The following LAMA2 variants were observed in gnomAD, a reference collection of about 807,000 sequenced individuals.
LAMA2 encodes laminin subunit alpha 2.
A neutral mutation model predicts 364.8 loss-of-function variants in LAMA2; 269 were observed. That is an observed-to-expected ratio of 0.74 (90% CI 0.67 to 0.82). LAMA2 has a LOEUF of 0.82. LAMA2 is among the 40% of genes least tolerant of loss of function. The pLI is 0.00. For missense variants in LAMA2, 3,807 were observed against 3,873.2 expected (o/e 0.98, Z 0.45); for synonymous variants, 1,379 against 1,370.6 (o/e 1.01, Z -0.14).
chr6:128,974,291 C>T (rs1481215840), intron 1 of LAMA2, among the ~76,000 whole-genome samples: 2 of 152,252 alleles, frequency 1.3e-5, no homozygotes, highest in African/African-American at 4.8e-5. Flanking sequence ...ACAGAATACC[C>T]TCTATTAATT....
chr6:129,298,991 A>C (rs746172357), intron 21 of LAMA2, among the ~76,000 whole-genome samples: 2 of 152,174 alleles, frequency 1.3e-5, no homozygotes, highest in African/African-American at 2.4e-5. Flanking sequence ...TGACATTTTT[A>C]CTTAATATGA....
intron 15 of LAMA2, among the ~76,000 whole-genome samples, chr6:129,264,343 G>A (rs946207249): frequency 2.6e-5 from 4 of 151,956 alleles, no homozygotes; most frequent in African/African-American, 9.7e-5. Context: ...TGATCAGTTG[G>A]TTGTGGTGTC....
chr6:129,279,195 G>A (rs1788533477), intron 17 of LAMA2, among the ~76,000 whole-genome samples: 1 of 152,116 alleles, frequency 6.6e-6, no homozygotes, highest in South Asian at 2.1e-4. Flanking sequence ...CAAAATGGTT[G>A]ATGGCCCTTC....
chr6:129,054,195 A>G (rs188816514), intron 2 of LAMA2, among the ~76,000 whole-genome samples: 1 of 152,306 alleles, frequency 6.6e-6, no homozygotes, highest in East Asian at 1.9e-4. Context: ...TGAGCCTCTC[A>G]GGGGAATAGG....
Position 129,506,469 on chromosome 6 carries a change from T to C in LAMA2, c.8704-1020T>C, listed in dbSNP as rs561380208. The stretch of plus-strand genomic sequence containing the variant: ...GTATGTATTCATGGTGTTTCAGGCA[T>C]AGAGATTTAGCAAATATTGAGAGGT... On this transcript the variant is annotated intron_variant, in intron 61 of 64. Transcript: ENST00000421865. Among the ~76,000 whole-genome samples the C allele has an allele frequency of 1.1e-4, 17 of 152,296 alleles. No homozygotes were observed. The South Asian group carries it at 3.3e-3, about 30-fold the overall frequency.
chr6:129,383,071 G>A, intron 34 of LAMA2, 51 bp from the exon 35 acceptor site: 5 of 1,456,672 alleles, frequency 3.4e-6, no homozygotes, highest in South Asian at 1.2e-5. Context: ...TTATCTAGCT[G>A]TAGCTTCATC....
At chr6:129,165,531 T>A in intron 8 of LAMA2, 45 bp from the exon 9 acceptor site, 8 of 1,289,974 alleles carry the variant, frequency 6.2e-6, no homozygotes, top group Non-Finnish European at 8.9e-6. Flanking sequence ...AAAATATTGC[T>A]GTTTCTATTA....
In LAMA2 at chr6:129,267,182, A is replaced by G; in HGVS notation, c.2285A>G (p.His762Arg). ...GICEPCQCFG[H>R]AESCDDVTGE... is the part of the protein sequence containing the mutation. ...TGTGAGCCATGTCAGTGCTTTGGTC[A>G]TGCGGAGTCCTGTGATGACGTCACT... Residue 762 changes from histidine to arginine, a missense_variant, in exon 16 of 65, where the codon CAT (histidine) becomes CGT (arginine). This residue lies in a region of LAMA2 where 3,333 missense variants were observed against 3,345.7 expected (regional missense o/e 1.00). Transcript: ENST00000421865. 1 of 1,613,284 alleles carries G rather than the reference A, an allele frequency of 6.2e-7. No homozygotes were observed. Among genetic ancestry groups the G allele is most frequent in the South Asian group, 1.1e-5 (1 of 91,076 alleles).
chr6:129,443,669 A>G (rs1224303344), intron 44 of LAMA2, among the ~76,000 whole-genome samples: 1 of 152,238 alleles, frequency 6.6e-6, no homozygotes, highest in African/African-American at 2.4e-5. Context: ...GGAGAAACAC[A>G]TAATAAAACT....
At chr6:129,227,367 C>T (rs1784369331) in intron 12 of LAMA2, among the ~76,000 whole-genome samples, 1 of 152,204 alleles carries the variant, frequency 6.6e-6, no homozygotes, top group Non-Finnish European at 1.5e-5. Context: ...TGTTCCATTG[C>T]TGGCAAGGAG....
chr6:129,165,200 TC>T (rs760013637), intron 8 of LAMA2, among the ~76,000 whole-genome samples: 3 of 151,824 alleles, frequency 2.0e-5, no homozygotes, highest in Non-Finnish European at 2.9e-5. Flanking sequence ...TTTTTTTTTT[TC>T]CTATTACATC....
intron 62 of LAMA2, among the ~76,000 whole-genome samples, chr6:129,511,304 C>G (rs1484127354): frequency 6.6e-6 from 1 of 152,100 alleles, no homozygotes; most frequent in East Asian, 1.9e-4. Context: ...AGCCGAACTT[C>G]CTCATGTCAT....
At chr6:129,198,818 G>T (rs1023441618) in intron 12 of LAMA2, among the ~76,000 whole-genome samples, 9 of 151,176 alleles carry the variant, frequency 6.0e-5, no homozygotes, top group African/African-American at 2.2e-4. Flanking sequence ...CTGACTCAAA[G>T]AAAAAAAATC....
intron 30 of LAMA2, among the ~76,000 whole-genome samples, chr6:129,343,241 G>T (rs1562478335): frequency 6.6e-6 from 1 of 152,136 alleles, no homozygotes; most frequent in Non-Finnish European, 1.5e-5. Context: ...ATGGCAGTTT[G>T]TTCAGAATTA....
rs1562447178 is a variant in LAMA2 at position 129,313,054 on chromosome 6, AAAAATGCTC to A, written c.3369_3377del (p.Lys1123_Ser1126delinsAsn). On this transcript the variant is annotated inframe_deletion, in exon 23 of 65. Transcript: ENST00000421865. Reference sequence around the variant, plus strand: ...GCCACAACCTGTGATTCAGAGACTAAAAAATGCTCCTGTAGTGATCAAACTGGGCAGTGC... The same window carrying A: ...GCCACAACCTGTGATTCAGAGACTAACTGTAGTGATCAAACTGGGCAGTGC... 3 of 1,613,942 alleles carry A rather than the reference AAAAATGCTC, an allele frequency of 1.9e-6. No individual in the cohort carries two copies. Among genetic ancestry groups the A allele is most frequent in the Non-Finnish European group, 2.5e-6 (3 of 1,179,900 alleles).
chr6:129,333,568 T>C (rs1775779258), intron 29 of LAMA2, among the ~76,000 whole-genome samples: 1 of 152,150 alleles, frequency 6.6e-6, no homozygotes, highest in Admixed American at 6.6e-5. Context: ...TAAATGATAT[T>C]ATTGACTAAA....
intron 19 of LAMA2, 58 bp downstream of exon 19, chr6:129,288,116 C>A: frequency 1.4e-6 from 2 of 1,412,582 alleles, no homozygotes; most frequent in Non-Finnish European, 2.0e-6. Flanking sequence ...CTCAAAGTAG[C>A]TGATGAGTTC....
intron 17 of LAMA2, among the ~76,000 whole-genome samples, chr6:129,278,419 G>A (rs1413232061): frequency 6.6e-6 from 1 of 152,168 alleles, no homozygotes; most frequent in African/African-American, 2.4e-5. Context: ...TTTCAAAGAA[G>A]ACATATATAT....
At chr6:129,493,061 A>G (rs909213332) in intron 58 of LAMA2, among the ~76,000 whole-genome samples, 13 of 152,170 alleles carry the variant, frequency 8.5e-5, no homozygotes, top group Non-Finnish European at 1.6e-4. Context: ...AGGCTGAGGC[A>G]GGAGAATCGC....
Sources: gnomAD v4.1 joint callset for allele counts (sites outside exome capture counted in the v4.1 genomes callset) on GRCh38, gnomAD v4.1.1 for gene constraint, gnomAD v4.1.1 regional missense constraint, MANE v1.5 for transcripts, NCBI Gene and HGNC (gene_info 2026-07-23, HGNC 2026-07-21) for gene names.